The following SYT2 variants were observed in gnomAD, a reference collection of about 807,000 sequenced individuals.
SYT2 encodes synaptotagmin 2.
Under a neutral mutation model 39.9 loss-of-function variants are expected in SYT2, and 15 were observed. The observed-to-expected ratio is 0.38, with a 90% CI of 0.25 to 0.58. The LOEUF (loss-of-function observed/expected upper bound fraction) is 0.58, where lower values mean the gene tolerates loss of function less well. SYT2 is among the 20% of genes least tolerant of loss of function. The pLI is 0.70. For missense variants in SYT2, 389 were observed against 530.3 expected, an observed-to-expected ratio of 0.73 and a Z score of 2.62; for synonymous variants, 181 against 204.5, an observed-to-expected ratio of 0.89 and a Z score of 0.98.
At chr1:202,636,524 G>A (rs1220102779) in intron 1 of SYT2, 8 of 436,696 alleles carry the variant, frequency 1.8e-5, no homozygotes, top group Non-Finnish European at 6.1e-6. Context: ...GGGGACCACT[G>A]AGGTCCAAGA....
At chr1:202,627,663 G>A (rs1317026867) in intron 1 of SYT2, 1 of 981,850 alleles carries the variant, frequency 1.0e-6, no homozygotes, top group East Asian at 1.1e-4. Context: ...GTTAATGAGG[G>A]TTTGACCAGG....
chr1:202,655,879 G>A (rs1348627099), intron 1 of SYT2, among the ~76,000 whole-genome samples: 4 of 152,218 alleles, frequency 2.6e-5, no homozygotes, highest in African/African-American at 9.6e-5. Context: ...GGAACACAGG[G>A]AAGGGTGATC....
chr1:202,649,182 C>T (rs1279419856), intron 1 of SYT2, among the ~76,000 whole-genome samples: 2 of 152,342 alleles, frequency 1.3e-5, no homozygotes, highest in South Asian at 2.1e-4. Context: ...TGGACAGTGG[C>T]GGTGCTGGAG....
chr1:202,624,983 G>A lies in SYT2; in HGVS notation c.-17-19194C>T, dbSNP rs532880203. On this transcript the variant is annotated intron_variant, in intron 1 of 8. Coordinates refer to ENST00000367268, the MANE Select transcript of SYT2 (RefSeq NM_177402.5). Reference sequence around the variant, plus strand: ...TCTGTGTGTGGCATGTGTGGTGTGTGTAGTGTGGTGTGTGTCTTTGTGGTG... The same window carrying A: ...TCTGTGTGTGGCATGTGTGGTGTGTATAGTGTGGTGTGTGTCTTTGTGGTG... Among the ~76,000 whole-genome samples, 234 of 126,082 alleles carry A rather than the reference G, an allele frequency of 1.9e-3. 1 individual carries two copies. Among genetic ancestry groups the A allele is most frequent in the African/African-American group, 6.1e-3 (205 of 33,864 alleles). The allele number at this position is 126,082 out of a possible 152,430, so 82.7% of individuals were successfully genotyped here. A position where few individuals can be genotyped will look rare whatever the true frequency, so the allele number is the denominator to read the frequency against.
intron 1 of SYT2, among the ~76,000 whole-genome samples, chr1:202,682,719 G>A (rs1367162431): frequency 6.6e-6 from 1 of 152,058 alleles, no homozygotes; most frequent in Non-Finnish European, 1.5e-5. Context: ...GAGCTAGCGT[G>A]GAGCTGATCA....
At chr1:202,679,254 T>C (rs1160607397) in intron 1 of SYT2, among the ~76,000 whole-genome samples, 1 of 152,112 alleles carries the variant, frequency 6.6e-6, no homozygotes, top group Non-Finnish European at 1.5e-5. Context: ...ACAGCTGCCT[T>C]GATGGTGAAG....
chr1:202,624,334 C>G (rs1691288098), intron 1 of SYT2, among the ~76,000 whole-genome samples: 1 of 134,352 alleles, frequency 7.4e-6, no homozygotes, highest in Admixed American at 7.4e-5. Context: ...GGTGGAGGCT[C>G]TAGTGGGGTG....
At chr1:202,659,082 C>A (rs145997215) in intron 1 of SYT2, among the ~76,000 whole-genome samples, 1 of 152,098 alleles carries the variant, frequency 6.6e-6, no homozygotes, top group Non-Finnish European at 1.5e-5. Context: ...AAAATGACAA[C>A]ACCCCTCCCC....
At chr1:202,667,863 C>T (rs1420876493) in intron 1 of SYT2, among the ~76,000 whole-genome samples, 1 of 152,088 alleles carries the variant, frequency 6.6e-6, no homozygotes, top group Non-Finnish European at 1.5e-5. Flanking sequence ...CAGGCACCTG[C>T]CACCACACCC....
chr1:202,602,360 C>G lies in SYT2; in HGVS notation c.633+18G>C, dbSNP rs1690536043. The G allele has an allele frequency of 6.2e-7, 1 of 1,608,542 alleles. No homozygotes were observed. The highest frequency in any genetic ancestry group is 2.2e-5 in the East Asian group (1 of 44,846). ...GGATCAGGCAGGGAGCTGGAGTCAC[C>G]CTTCCAGCCCTCAGCACCTTGAAGG... On this transcript the variant is annotated intron_variant, in intron 5 of 8. Transcript: ENST00000367268.
At chr1:202,609,931 T>C (rs1043117990) in intron 1 of SYT2, among the ~76,000 whole-genome samples, 1 of 152,366 alleles carries the variant, frequency 6.6e-6, no homozygotes, top group Non-Finnish European at 1.5e-5. Context: ...TTGCCATTGC[T>C]TTTGGTGTTT....
intron 1 of SYT2, among the ~76,000 whole-genome samples, chr1:202,637,826 C>T (rs1266361208): frequency 6.6e-6 from 1 of 152,216 alleles, no homozygotes; most frequent in African/African-American, 2.4e-5. Context: ...GGACTGCCGG[C>T]CCTGATGATC....
At position 202,599,375 on chromosome 1, in the gene SYT2, C is replaced by T. The variant is rs1690416025; in HGVS notation, c.920-24G>A. 1.9e-6 allele frequency: 3 copies of T among 1,571,964 alleles called. No individual in the cohort carries two copies. The East Asian group carries it at 7.0e-5, about 37-fold the overall frequency. On this transcript the variant is annotated intron_variant, in intron 7 of 8. Coordinates refer to ENST00000367268, the MANE Select transcript of SYT2 (RefSeq NM_177402.5). This position sits in a 1 kb window ranked among gnomAD's most constrained non-coding sequence, Gnocchi z 4.4. ...GTCTGCGGAGGGAGAATCCCAACCC[C>T]AGAGAGGTTCCCCTTAGCCCCCAGC...
intron 1 of SYT2, among the ~76,000 whole-genome samples, chr1:202,649,240 G>C (rs1432248300): frequency 1.3e-5 from 2 of 152,228 alleles, no homozygotes. Context: ...CAGACAGTAT[G>C]AGCATGTGTA....
At chr1:202,652,510 A>C (rs918469070) in intron 1 of SYT2, among the ~76,000 whole-genome samples, 3 of 152,220 alleles carry the variant, frequency 2.0e-5, no homozygotes, top group African/African-American at 7.2e-5. Flanking sequence ...GAGTTAGTGC[A>C]TGGTGACAGG....
intron 1 of SYT2, chr1:202,639,510 G>A (rs1490844807): frequency 4.3e-5 from 42 of 985,220 alleles, no homozygotes; most frequent in Middle Eastern, 5.2e-4. Context: ...TCAGTGCCTC[G>A]TCCTGCCGTG....
At chr1:202,627,010 A>G (rs1335864494) in intron 1 of SYT2, among the ~76,000 whole-genome samples, 1 of 152,162 alleles carries the variant, frequency 6.6e-6, no homozygotes, top group East Asian at 1.9e-4. Flanking sequence ...CATGCTGACC[A>G]CGAACTCAAG....
intron 1 of SYT2, among the ~76,000 whole-genome samples, chr1:202,631,237 G>A (rs534823370): frequency 2.0e-5 from 3 of 152,160 alleles, no homozygotes; most frequent in African/African-American, 4.8e-5. Context: ...CTCTGGAACC[G>A]CAGGGAGTTC....
At chr1:202,635,527 T>A (rs1213202916) in intron 1 of SYT2, among the ~76,000 whole-genome samples, 1 of 152,000 alleles carries the variant, frequency 6.6e-6, no homozygotes, top group African/African-American at 2.4e-5. Flanking sequence ...AGCTCACAGT[T>A]GATTTTGGGG....
Sources: gnomAD v4.1 joint callset for allele counts (sites outside exome capture counted in the v4.1 genomes callset) on GRCh38, gnomAD v4.1.1 for gene constraint, Gnocchi (gnomAD v3.1) non-coding constraint, MANE v1.5 for transcripts, NCBI Gene and HGNC (gene_info 2026-07-23, HGNC 2026-07-21) for gene names.